Variants in HEATR6 observed in about 807,000 individuals in gnomAD.
HEATR6 encodes the protein HEAT repeat-containing protein 6.
In HEATR6, 106 loss-of-function variants were observed where a neutral mutation model predicts 132.8. That is an observed-to-expected ratio of 0.80 (90% CI 0.68 to 0.94). The LOEUF (loss-of-function observed/expected upper bound fraction) is 0.94. Ranked by LOEUF, HEATR6 falls within the 40% of genes least tolerant of loss-of-function variation. HEATR6 has a pLI of 0.00. For missense variants in HEATR6, 1,339 were observed against 1,425.1 expected, an observed-to-expected ratio of 0.94 and a Z score of 0.97; for synonymous variants, 529 against 537.8, an observed-to-expected ratio of 0.98 and a Z score of 0.23.
rs116477849 is a variant in HEATR6, at chr17:60,044,086, A to G, written c.3023T>C (p.Val1008Ala). The G allele has an allele frequency of 9.3e-5, 150 of 1,613,952 alleles. No homozygotes were observed. The highest frequency in any genetic ancestry group is 1.2e-4 in the Non-Finnish European group (140 of 1,179,920). ...SQAYNALTSVVTSCKNFKVRI... is the reference protein window; with the variant it reads ...SQAYNALTSVATSCKNFKVRI... ...CACTTTGAAGTTCTTGCATGATGTC[A>G]CGACCGATGTCAGGGCATTGTAGGC... The change falls in exon 20 of 20, where the codon GTG becomes GCG. Residue 1008 changes from valine to alanine, a missense_variant. By Grantham distance (64) the Val-to-Ala change is moderately conservative (BLOSUM62 0). Coordinates refer to ENST00000184956, the MANE Select transcript of HEATR6 (RefSeq NM_022070.5).
chr17:60,072,622 G>T (rs1022145826), intron 4 of HEATR6, among the ~76,000 whole-genome samples: 1 of 152,162 alleles, frequency 6.6e-6, no homozygotes. Context: ...TTCAGTCCTA[G>T]GAGGGAAATA....
rs1906180408 is a variant in HEATR6 at position 60,041,808 on chromosome 17, C to A, written c.*1755G>T. On this transcript the variant is annotated 3_prime_UTR_variant, in exon 20 of 20. Coordinates refer to ENST00000184956, the MANE Select transcript of HEATR6 (RefSeq NM_022070.5). ...AGGCAAAGGAGAAAAATGGAAGACA[C>A]CTGCCTTTACACGTGTATTTTAAGC... Among the ~76,000 whole-genome samples, 1 of 152,140 alleles carries A rather than the reference C, an allele frequency of 6.6e-6. No individual in the cohort carries two copies. The highest frequency in any genetic ancestry group is 2.1e-4 in the South Asian group (1 of 4,830).
intron 14 of HEATR6, among the ~76,000 whole-genome samples, chr17:60,051,664 C>T (rs913059879): frequency 6.6e-6 from 1 of 152,186 alleles, no homozygotes; most frequent in Non-Finnish European, 1.5e-5. Flanking sequence ...AGTTTCTTTT[C>T]CATGCTTTAT....
At chr17:60,070,899 A>T (rs747134495) in intron 5 of HEATR6, 92 bp from the exon 6 acceptor site, 6 of 738,654 alleles carry the variant, frequency 8.1e-6, no homozygotes, top group African/African-American at 1.7e-5. Flanking sequence ...TGGAAGAGAG[A>T]CAGTCTCTAG....
chr17:60,074,051 G>A (rs941649609), intron 2 of HEATR6, 165 bp from the exon 3 acceptor site: 17 of 1,324,032 alleles, frequency 1.3e-5, no homozygotes, highest in Admixed American at 1.1e-4. Flanking sequence ...TTTGATCAAC[G>A]TAGGGGCCTT....
At chr17:60,053,809 C>T (rs936330703) in intron 14 of HEATR6, among the ~76,000 whole-genome samples, 2 of 152,324 alleles carry the variant, frequency 1.3e-5, no homozygotes, top group Admixed American at 6.5e-5. Flanking sequence ...GATGTGGCAG[C>T]TTCTCACAAC....
intron 19 of HEATR6, 96 bp from the exon 20 acceptor site, chr17:60,044,230 A>G: frequency 1.2e-6 from 1 of 820,690 alleles, no homozygotes; most frequent in South Asian, 1.7e-5. Context: ...ACTAGTGCTC[A>G]AGACACTCAT....
rs201186000 is a variant in HEATR6, at chr17:60,043,263, AT to A, written c.*299del. 2.8e-3 allele frequency: 895 copies of A among 320,180 alleles called. No homozygotes were observed. Among genetic ancestry groups the A allele is most frequent in the South Asian group, 4.0e-3 (78 of 19,460 alleles). The allele number at this position is 320,180 out of a possible 1,614,324, so 19.8% of individuals were successfully genotyped here. On this transcript the variant is annotated 3_prime_UTR_variant, in exon 20 of 20. Transcript: ENST00000184956. ...AATTCTAATTCCGAAATCCTTCTAC[AT>A]TTTTTTTTTCTGAGACTAAATGCCC...
At chr17:60,073,939 C>G in intron 2 of HEATR6, 53 bp from the exon 3 acceptor site, 2 of 1,578,676 alleles carry the variant, frequency 1.3e-6, no homozygotes, top group Non-Finnish European at 1.7e-6. Context: ...AAATATTATG[C>G]TTTTATGGAC....
rs2083310613 is a variant in HEATR6 at position 60,078,862 on chromosome 17, G to A, written c.53C>T (p.Ala18Val). Reference sequence around the variant, plus strand: ...TCGCTCAGGGATTGCTTCCCGCGGTGCCTCCCGCGGCTGCACGGAAGGCCA... The same window carrying A: ...TCGCTCAGGGATTGCTTCCCGCGGTACCTCCCGCGGCTGCACGGAAGGCCA... The part of the protein sequence containing the change: ...GSWPSVQPRE[A>V]PREAIPERGN... The change falls in exon 1 of 20, where the codon GCA becomes GTA. Residue 18 changes from alanine (A) to valine (V), a missense_variant. Ala to Val is a moderately conservative substitution (Grantham distance 64). Coordinates refer to ENST00000184956, the MANE Select transcript of HEATR6 (RefSeq NM_022070.5). 1 of 1,464,892 alleles carries A rather than the reference G, an allele frequency of 6.8e-7. No homozygotes were observed. Among genetic ancestry groups the A allele is most frequent in the Non-Finnish European group, 9.1e-7 (1 of 1,093,930 alleles). The allele number at this position is 1,464,892 out of a possible 1,614,324, so 90.7% of individuals were successfully genotyped here. A position where few individuals can be genotyped will look rare whatever the true frequency, so the allele number is the denominator to read the frequency against.
intron 16 of HEATR6, 125 bp downstream of exon 16, chr17:60,049,453 TAC>T: frequency 1.9e-6 from 2 of 1,074,382 alleles, no homozygotes; most frequent in Non-Finnish European, 2.7e-6. Context: ...TAGTAGCAAT[TAC>T]AGATATCAGA....
chr17:60,048,943 CTAAG>C (rs1335728095), intron 16 of HEATR6, among the ~76,000 whole-genome samples: 2 of 120,968 alleles, frequency 1.7e-5, no homozygotes, highest in East Asian at 2.3e-4. Flanking sequence ...AGGCTGTGTG[CTAAG>C]TAATTAAAAA....
intron 9 of HEATR6, among the ~76,000 whole-genome samples, chr17:60,062,665 A>G (rs1327363236): frequency 6.6e-6 from 1 of 152,208 alleles, no homozygotes; most frequent in African/African-American, 2.4e-5. Flanking sequence ...TCTCACTTCC[A>G]AAGTCAGTTG....
intron 13 of HEATR6, 40 bp from the exon 14 acceptor site, chr17:60,055,641 T>C (rs368941845): frequency 1.4e-6 from 2 of 1,440,908 alleles, no homozygotes; most frequent in Non-Finnish European, 1.9e-6. Flanking sequence ...GCATCAGAAC[T>C]AATGAATGAC....
Position 60,050,979 on chromosome 17 carries a change from T to A in HEATR6, c.2290-2A>T. The A allele has an allele frequency of 6.2e-7, 1 of 1,613,974 alleles. No individual in the cohort carries two copies. Among genetic ancestry groups the A allele is most frequent in the Non-Finnish European group, 8.5e-7 (1 of 1,179,944 alleles). ...CATCATAGTCCAGAACATCACCACC[T>A]GGAACGGAGGCAAAGTAAAAGCTGC... On this transcript the variant is annotated splice_acceptor_variant, in intron 14 of 19. Coordinates refer to ENST00000184956, the MANE Select transcript of HEATR6 (RefSeq NM_022070.5). LOFTEE classifies it high-confidence loss of function.
At chr17:60,068,583 A>T (rs1597955376) in intron 7 of HEATR6, among the ~76,000 whole-genome samples, 1 of 149,764 alleles carries the variant, frequency 6.7e-6, no homozygotes, top group East Asian at 1.9e-4. Flanking sequence ...CTGTACAAGA[A>T]TCTTATCATT....
chr17:60,047,231 C>T (rs1319648948), intron 18 of HEATR6, 78 bp downstream of exon 18: 13 of 895,462 alleles, frequency 1.5e-5, no homozygotes, highest in Non-Finnish European at 2.3e-5. Context: ...GAACATCAAG[C>T]CACACTGAAC....
At position 60,057,178 on chromosome 17, in the gene HEATR6, G is replaced by A. The variant is rs774396796; in HGVS notation, c.1949C>T (p.Pro650Leu). Residue 650 changes from proline (P) to leucine (L), a missense_variant, in exon 12 of 20, where the codon CCC becomes CTC. Pro to Leu is a moderately conservative substitution (Grantham distance 98, BLOSUM62 -3). Coordinates refer to ENST00000184956, the MANE Select transcript of HEATR6 (RefSeq NM_022070.5). ...SVSSPKGSSE[P>L]CWLIRLCISI... ...AATGCAGAGTCGAATGAGCCAGCAG[G>A]GCTCTGAAGACCCCTTAGGTGAGCT... 5.0e-6 allele frequency: 8 copies of A among 1,614,056 alleles called. 1 individual carries two copies. The African/African-American group carries it at 6.7e-5, about 13-fold the overall frequency.
In HEATR6 at chr17:60,060,028, A is replaced by G. The variant is rs1020237888; in HGVS notation, c.1485T>C (p.Ala495=). The G allele has an allele frequency of 3.1e-6, 5 of 1,613,948 alleles. No homozygotes were observed. Among genetic ancestry groups the G allele is most frequent in the African/African-American group, 2.7e-5 (2 of 74,936 alleles). The change falls in exon 10 of 20, where the codon GCT becomes GCC. Residue 495 remains alanine, a synonymous_variant. Transcript: ENST00000184956. ...LEGSKQFLSV[A]EDTSDHRRAF... is the part of the protein sequence containing the mutation. ...CCCTTCTGTGGTCACTGGTATCTTC[A>G]GCAACAGAAAGAAACTGCTTTGAGC...
Sources: gnomAD v4.1 joint callset for allele counts (sites outside exome capture counted in the v4.1 genomes callset) on GRCh38, gnomAD v4.1.1 for gene constraint, MANE v1.5 for transcripts, NCBI Gene and HGNC (gene_info 2026-07-23, HGNC 2026-07-21) for gene names.